Variants in BTRC observed in about 807,000 individuals in gnomAD.
BTRC encodes the protein F-box/WD repeat-containing protein 1A.
In BTRC, 42 loss-of-function variants were observed where a neutral mutation model predicts 85.5. That is an observed-to-expected ratio of 0.49 (90% CI 0.38 to 0.64). The LOEUF (loss-of-function observed/expected upper bound fraction) is 0.64, where lower values mean the gene tolerates loss of function less well. BTRC is among the 30% of genes least tolerant of loss of function. BTRC has a pLI of 0.00. For missense variants in BTRC, 594 were observed against 743.5 expected (o/e 0.80, Z 2.34); for synonymous variants, 255 against 263.3 (o/e 0.97, Z 0.30).
intron 2 of BTRC, among the ~76,000 whole-genome samples, chr10:101,439,332 G>T (rs148605863): frequency 5.6e-4 from 85 of 152,222 alleles, no homozygotes; most frequent in African/African-American, 2.0e-3. Context: ...CAATAATACT[G>T]TGGAAAAAAA....
chr10:101,442,619 ATTTCC>A (rs1354278925), intron 2 of BTRC, among the ~76,000 whole-genome samples: 5 of 152,170 alleles, frequency 3.3e-5, no homozygotes, highest in Admixed American at 2.6e-4. Context: ...TGAATTAAAA[ATTTCC>A]TTTAACTGGT....
At chr10:101,524,743 A>G (rs987121971) in intron 5 of BTRC, among the ~76,000 whole-genome samples, 9 of 152,302 alleles carry the variant, frequency 5.9e-5, no homozygotes, top group Middle Eastern at 3.4e-3. Context: ...AACATGAAGA[A>G]CTAATTATTA....
Position 101,531,228 on chromosome 10 carries a change from A to AT in BTRC, c.744-3dup. ...TGATTTTCACTGGGAAATATTTGTT[A>AT]TTTTTTAGGGGACAGTATTTATTCA... On this transcript the variant is annotated splice_polypyrimidine_tract_variant and intron_variant, in intron 6 of 14. Transcript: ENST00000370187. 6 of 1,559,530 alleles carry AT rather than the reference A, an allele frequency of 3.8e-6. No homozygotes were observed. The highest frequency in any genetic ancestry group is 4.4e-6 in the Non-Finnish European group (5 of 1,136,330).
intron 1 of BTRC, among the ~76,000 whole-genome samples, chr10:101,366,202 GA>G (rs1010026128): frequency 6.6e-6 from 1 of 150,414 alleles, no homozygotes; most frequent in Non-Finnish European, 1.5e-5. Flanking sequence ...TAAAGTATAG[GA>G]AAAAAAAATC....
At chr10:101,368,712 G>C (rs1176496551) in intron 1 of BTRC, among the ~76,000 whole-genome samples, 1 of 151,996 alleles carries the variant, frequency 6.6e-6, no homozygotes, top group Admixed American at 6.6e-5. Flanking sequence ...TTCTTGCAGT[G>C]CTCACTTAAT....
chr10:101,386,818 T>C (rs1035929511), intron 1 of BTRC, among the ~76,000 whole-genome samples: 1 of 152,198 alleles, frequency 6.6e-6, no homozygotes, highest in Non-Finnish European at 1.5e-5. Flanking sequence ...TTTTAATTAG[T>C]ACTTTTGTGA....
At chr10:101,400,607 C>T (rs775005115) in intron 1 of BTRC, among the ~76,000 whole-genome samples, 3 of 152,218 alleles carry the variant, frequency 2.0e-5, no homozygotes, top group Non-Finnish European at 4.4e-5. Context: ...AAGGATTTTA[C>T]TCTGGCTTAT....
intron 2 of BTRC, 66 bp from the exon 3 acceptor site, chr10:101,461,915 A>G (rs1945236021): frequency 5.2e-6 from 6 of 1,148,062 alleles, no homozygotes; most frequent in South Asian, 2.7e-5. Flanking sequence ...AATGTAATTC[A>G]GTTTACTCCC....
chr10:101,378,586 G>A (rs928879774), intron 1 of BTRC, among the ~76,000 whole-genome samples: 20 of 147,328 alleles, frequency 1.4e-4, no homozygotes, highest in Admixed American at 5.6e-4. Context: ...GTGCAGTGGC[G>A]CGATCTTGGT....
intron 4 of BTRC, among the ~76,000 whole-genome samples, chr10:101,491,160 G>A (rs562409437): frequency 6.6e-6 from 1 of 152,070 alleles, no homozygotes; most frequent in Admixed American, 6.5e-5. Flanking sequence ...ATCTTTCAAG[G>A]ATCTAAGTTG....
intron 13 of BTRC, among the ~76,000 whole-genome samples, chr10:101,544,056 C>T (rs2062519677): frequency 6.6e-6 from 1 of 152,010 alleles, no homozygotes; most frequent in South Asian, 2.1e-4. Context: ...ACTACAGGCG[C>T]CCGCCACCAC....
chr10:101,530,016 T>TG (rs550082046), intron 6 of BTRC, among the ~76,000 whole-genome samples: 12 of 152,260 alleles, frequency 7.9e-5, no homozygotes, highest in Admixed American at 5.2e-4. Flanking sequence ...AACTTCCGGA[T>TG]GAGGAATTAA....
intron 4 of BTRC, among the ~76,000 whole-genome samples, chr10:101,495,018 A>G (rs1027788022): frequency 6.6e-6 from 1 of 152,216 alleles, no homozygotes; most frequent in Non-Finnish European, 1.5e-5. Flanking sequence ...GGGTTATTTA[A>G]TGCTAATAAA....
At chr10:101,427,856 A>T (rs1944301659) in intron 1 of BTRC, among the ~76,000 whole-genome samples, 1 of 152,200 alleles carries the variant, frequency 6.6e-6, no homozygotes, top group Non-Finnish European at 1.5e-5. Flanking sequence ...CCAGAACAGC[A>T]TTTAATAAGT....
In BTRC at chr10:101,396,499, A is replaced by G. The variant is rs559132344; in HGVS notation, c.49-33846A>G. 2.7e-5 allele frequency among the ~76,000 whole-genome samples: 4 copies of G among 150,378 alleles called. No individual in the cohort carries two copies. In the South Asian group the frequency reaches 8.4e-4, roughly 32 times the overall value. On this transcript the variant is annotated intron_variant, in intron 1 of 14. Coordinates refer to ENST00000370187, the MANE Select transcript of BTRC (RefSeq NM_033637.4). The stretch of plus-strand genomic sequence containing the variant: ...TAAAGATTTTAAATGGAGTTCAGCT[A>G]GTATTAAGCCCACTACTCACTTGTT...
At chr10:101,385,632 T>TTG (rs1554865851) in intron 1 of BTRC, among the ~76,000 whole-genome samples, 178 of 143,932 alleles carry the variant, frequency 1.2e-3, no homozygotes, top group African/African-American at 3.8e-3. Flanking sequence ...TTTTTTTTTT[T>TTG]TGTGTGTTCT....
chr10:101,443,223 A>C (rs1274966065), intron 2 of BTRC, among the ~76,000 whole-genome samples: 3 of 152,148 alleles, frequency 2.0e-5, no homozygotes, highest in African/African-American at 7.2e-5. Context: ...AGTTTACCAC[A>C]AATTTGGGCA....
chr10:101,429,510 CCT>C (rs1340478038), intron 1 of BTRC, among the ~76,000 whole-genome samples: 5 of 121,724 alleles, frequency 4.1e-5, no homozygotes, highest in African/African-American at 1.5e-4. Flanking sequence ...CCCCTCCCCC[CCT>C]CCCCTCCCTC....
intron 4 of BTRC, among the ~76,000 whole-genome samples, chr10:101,509,333 C>A (rs1946632273): frequency 7.4e-6 from 1 of 134,586 alleles, no homozygotes; most frequent in Non-Finnish European, 1.5e-5. Flanking sequence ...CGGCTCACTG[C>A]AAGCTCCGCC....
Sources: gnomAD v4.1 joint callset for allele counts (sites outside exome capture counted in the v4.1 genomes callset) on GRCh38, gnomAD v4.1.1 for gene constraint, MANE v1.5 for transcripts, NCBI Gene and HGNC (gene_info 2026-07-23, HGNC 2026-07-21) for gene names.